Variants in RCBTB2 observed in about 807,000 individuals in gnomAD.
The protein encoded by RCBTB2 is RCC1 and BTB domain containing protein 2, also known as RCC1 and BTB domain-containing protein 2.
Under a neutral mutation model 65.4 loss-of-function variants are expected in RCBTB2, and 55 were observed. The ratio of observed to expected loss-of-function variants is 0.84; its 90% CI spans 0.68 to 1.05. The LOEUF is 1.05. Among genes scored for constraint, RCBTB2 ranks in the 50% least tolerant of loss-of-function variants. RCBTB2 has a pLI of 0.00. For synonymous variants in RCBTB2, 220 were observed against 255.2 expected (o/e 0.86, Z 1.31); for missense variants, 599 against 680.1 (o/e 0.88, Z 1.33).
In RCBTB2 at chr13:48,515,583, T is replaced by G; in HGVS notation, c.198+3A>C. The G allele has an allele frequency of 6.3e-7, 1 of 1,583,692 alleles. No individual in the cohort carries two copies. Among genetic ancestry groups the G allele is most frequent in the African/African-American group, 1.4e-5 (1 of 73,216 alleles). On this transcript the variant is annotated splice_donor_region_variant and intron_variant, in intron 5 of 14. Transcript: ENST00000344532. ...GTAGCTGATTTATTTTCTTCAAAAT[T>G]ACCTCATCATTTACTGTAGTGTATA... is the stretch of plus-strand genomic sequence containing the variant.
chr13:48,492,843 T>G (rs1334533755), intron 14 of RCBTB2, among the ~76,000 whole-genome samples: 1 of 152,216 alleles, frequency 6.6e-6, no homozygotes, highest in African/African-American at 2.4e-5. Context: ...CGTCACTGCC[T>G]CATAGCTTTG....
At chr13:48,501,635 G>A (rs1011061942) in intron 12 of RCBTB2, 107 bp downstream of exon 12, 5 of 871,232 alleles carry the variant, frequency 5.7e-6, no homozygotes, top group Non-Finnish European at 8.9e-6. Context: ...AGCAAAAACA[G>A]CCTTACAATT....
chr13:48,513,214 T>C (rs1365235505), intron 6 of RCBTB2, among the ~76,000 whole-genome samples: 1 of 152,194 alleles, frequency 6.6e-6, no homozygotes, highest in Non-Finnish European at 1.5e-5. Context: ...AGAAGGCCAC[T>C]TAACTCCCCT....
In RCBTB2 at chr13:48,502,752, G is replaced by C; in HGVS notation, c.1089C>G (p.Pro363=). Residue 363 remains proline, a synonymous_variant, in exon 11 of 15, where the codon CCC becomes CCG. Transcript: ENST00000344532. ...CGGAGAGGAGGCGCCACGTGACGGC[G>C]GGCGTGGCAAAGCAGGCAAACACGT... ...TDDVFACFAT[P]AVTWRLLSVE... 4.3e-6 allele frequency: 7 copies of C among 1,613,052 alleles called. No homozygotes were observed. The highest frequency in any genetic ancestry group is 5.1e-6 in the Non-Finnish European group (6 of 1,179,310).
At chr13:48,493,341 T>TCTCTCTCTCTC (rs1555297879) in intron 14 of RCBTB2, among the ~76,000 whole-genome samples, 2 of 55,500 alleles carry the variant, frequency 3.6e-5, no homozygotes, top group Non-Finnish European at 8.9e-5. Flanking sequence ...TCTCTCTCTC[T>TCTCTCTCTCTC]TCTCTTCTCT....
intron 12 of RCBTB2, among the ~76,000 whole-genome samples, chr13:48,500,811 G>A (rs1046703736): frequency 6.6e-6 from 1 of 152,134 alleles, no homozygotes; most frequent in Non-Finnish European, 1.5e-5. Context: ...CCATAGTACT[G>A]TGTTACAGCA....
rs371792631 is a variant in RCBTB2, at chr13:48,501,877, A to G, written c.1118-9T>C. On this transcript the variant is annotated splice_polypyrimidine_tract_variant and intron_variant, in intron 11 of 14. Transcript: ENST00000344532. ...GAGGTGGTCATCAGGTTCTAGGAGA[A>G]TAATGCAAATGCTTCCAGAGTTAGC... The G allele has an allele frequency of 1.5e-4, 249 of 1,612,700 alleles. No homozygotes were observed. In the African/African-American group the frequency reaches 2.4e-3, roughly 16 times the overall value.
chr13:48,530,857 GGTGAC>G (rs1180337986), intron 1 of RCBTB2, among the ~76,000 whole-genome samples: 2 of 152,116 alleles, frequency 1.3e-5, no homozygotes, highest in African/African-American at 4.8e-5. Context: ...TATAAAAAAT[GGTGAC>G]GTTTATCACA....
chr13:48,498,745 T>C (rs945117847), intron 13 of RCBTB2, among the ~76,000 whole-genome samples: 1 of 151,554 alleles, frequency 6.6e-6, no homozygotes, highest in African/African-American at 2.4e-5. Context: ...AAAAAAAAAT[T>C]ATCACTTGGG....
intron 1 of RCBTB2, chr13:48,532,230 A>G (rs748183062): frequency 1.3e-5 from 2 of 152,224 alleles, no homozygotes; most frequent in Non-Finnish European, 2.9e-5. Context: ...AAAGTTTTCA[A>G]TGTCTGAAAA....
At chr13:48,497,934 C>T (rs770316057) in intron 13 of RCBTB2, among the ~76,000 whole-genome samples, 6 of 152,244 alleles carry the variant, frequency 3.9e-5, no homozygotes, top group Non-Finnish European at 8.8e-5. Flanking sequence ...CCCAGCTCTG[C>T]GCCTCCTCCA....
chr13:48,534,416 T>C (rs1348685856), upstream of RCBTB2, among the ~76,000 whole-genome samples: 1 of 152,230 alleles, frequency 6.6e-6, no homozygotes, highest in African/African-American at 2.4e-5. Flanking sequence ...ATCCTTACTT[T>C]ACAGATAAGG....
At position 48,501,829 on chromosome 13, in the gene RCBTB2, C is replaced by T; in HGVS notation, c.1157G>A (p.Arg386Lys). 1.9e-6 allele frequency: 3 copies of T among 1,614,038 alleles called. No homozygotes were observed. Among genetic ancestry groups the T allele is most frequent in the Non-Finnish European group, 2.5e-6 (3 of 1,179,888 alleles). The change falls in exon 12 of 15, where the codon AGG (arginine) becomes AAG (lysine). Residue 386 changes from arginine (R) to lysine (K), a missense_variant. Transcript: ENST00000344532. Reference sequence around the variant, plus strand: ...TGCAGTGTCCGGGTTGTCAAATTCCCTCTTCAGTGACTCAGCCACTGTGAG... The same window carrying T: ...TGCAGTGTCCGGGTTGTCAAATTCCTTCTTCAGTGACTCAGCCACTGTGAG... ...DHLTVAESLK[R>K]EFDNPDTADL...
At chr13:48,517,587 G>T (rs1226463647) in intron 4 of RCBTB2, among the ~76,000 whole-genome samples, 1 of 152,154 alleles carries the variant, frequency 6.6e-6, no homozygotes, top group Non-Finnish European at 1.5e-5. Context: ...TAGGATGCAC[G>T]GAGCAGCTGT....
chr13:48,528,214 T>G (rs911769920), intron 1 of RCBTB2, among the ~76,000 whole-genome samples: 1 of 152,178 alleles, frequency 6.6e-6, no homozygotes, highest in African/African-American at 2.4e-5. Flanking sequence ...AATGGTAGGT[T>G]TTAAATGCTG....
chr13:48,496,205 T>A lies in RCBTB2; in HGVS notation c.1501A>T (p.Lys501Ter), dbSNP rs761387256. 1 of 1,531,352 alleles carries A rather than the reference T, an allele frequency of 6.5e-7. No individual in the cohort carries two copies. The highest frequency in any genetic ancestry group is 1.2e-5 in the South Asian group (1 of 80,542). 94.9% of individuals were successfully genotyped at this position (1,531,352 alleles called of 1,614,324 possible). A position where few individuals can be genotyped will look rare whatever the true frequency, so the allele number is the denominator to read the frequency against. The change falls in exon 14 of 15, where the codon AAG becomes TAG. Residue 501 changes from lysine to a stop codon, truncating the protein, a stop_gained. Coordinates refer to ENST00000344532, the MANE Select transcript of RCBTB2 (RefSeq NM_001268.4). LOFTEE classifies it high-confidence loss of function. ...GCTTTCCTTACCTGTGCATCATACT[T>A]CACCGCAGCCGAGAGCAGAGCGATG... is the stretch of plus-strand genomic sequence containing the variant. ...NAIALLSAAV[K>*]YDAQDLEEFC... is the part of the protein sequence containing the mutation.
rs1434556992 is a variant in RCBTB2, at chr13:48,533,028, C to T, written c.-219G>A. ...CCACACCACTCCTCCACCCTCTTAC[C>T]TCCTCGCAGGCCGGAGCCTTGTCCG... On this transcript the variant is annotated splice_region_variant and 5_prime_UTR_variant, in exon 1 of 15. Transcript: ENST00000344532. The T allele has an allele frequency of 4.4e-6, 2 of 455,340 alleles. No individual in the cohort carries two copies. The highest frequency in any genetic ancestry group is 3.3e-4 in the Middle Eastern group (1 of 3,066). The allele number at this position is 455,340 out of a possible 1,614,324, so 28.2% of individuals were successfully genotyped here. A position where few individuals can be genotyped will look rare whatever the true frequency, so the allele number is the denominator to read the frequency against.
intron 9 of RCBTB2, among the ~76,000 whole-genome samples, chr13:48,511,389 T>C (rs780083437): frequency 3.3e-5 from 5 of 152,222 alleles, no homozygotes; most frequent in Non-Finnish European, 7.3e-5. Context: ...ACACCTATTT[T>C]TTTTATTAAA....
chr13:48,493,064 T>C (rs1484142107), intron 14 of RCBTB2, among the ~76,000 whole-genome samples: 6 of 152,114 alleles, frequency 3.9e-5, no homozygotes, highest in Admixed American at 3.9e-4. Flanking sequence ...TCCTCAGTCG[T>C]CTTTTTTTTC....
Sources: allele counts gnomAD v4.1 joint callset (sites outside exome capture counted in the v4.1 genomes callset), GRCh38; gene constraint gnomAD v4.1.1; transcripts MANE v1.5; gene names NCBI Gene and HGNC (gene_info 2026-07-23, HGNC 2026-07-21).